The following GPR137B variants were observed in gnomAD, a reference collection of about 807,000 sequenced individuals.
GPR137B encodes the protein G protein-coupled receptor 137B.
A neutral mutation model predicts 42.5 loss-of-function variants in GPR137B; 42 were observed. The observed-to-expected ratio is 0.99, with a 90% confidence interval of 0.77 to 1.28. The LOEUF (loss-of-function observed/expected upper bound fraction) is 1.28, where lower values mean the gene tolerates loss of function less well. Ranked by LOEUF, GPR137B falls within the 50% of genes most tolerant of loss-of-function variation. The probability of loss-of-function intolerance (pLI) is 0.00; values close to 1 mark genes in which losing one functional copy is unlikely to be tolerated. For missense variants in GPR137B, 487 were observed against 493.9 expected (o/e 0.99, Z 0.13); for synonymous variants, 218 against 209.7 (o/e 1.04, Z -0.34).
At chr1:236,181,258 T>G (rs1244084155) in intron 4 of GPR137B, among the ~76,000 whole-genome samples, 1 of 152,178 alleles carries the variant, frequency 6.6e-6, no homozygotes, top group Non-Finnish European at 1.5e-5. Flanking sequence ...GGTAGTGAAA[T>G]GTCATCTGCC....
Position 236,155,540 on chromosome 1 carries a change from C to T in GPR137B, c.414+12504C>T, listed in dbSNP as rs1024886705. 3.3e-5 allele frequency among the ~76,000 whole-genome samples: 5 copies of T among 152,090 alleles called. No individual in the cohort carries two copies. Among genetic ancestry groups the T allele is most frequent in the Admixed American group, 6.5e-5 (1 of 15,274 alleles). Reference sequence around the variant, plus strand: ...AAAGGGTGTGGGTGGGAGGTGTGCTCTCTAGAGTCCCGTCTCCTCGCGGGC... The same window carrying T: ...AAAGGGTGTGGGTGGGAGGTGTGCTTTCTAGAGTCCCGTCTCCTCGCGGGC... On this transcript the variant is annotated intron_variant, in intron 1 of 6. Coordinates refer to ENST00000366592, the MANE Select transcript of GPR137B (RefSeq NM_003272.4). The surrounding 1 kb of genome is among the most constrained non-coding windows in gnomAD (Gnocchi z 4.6).
chr1:236,144,197 T>A (rs1661620003), intron 1 of GPR137B, among the ~76,000 whole-genome samples: 1 of 152,024 alleles, frequency 6.6e-6, no homozygotes, highest in South Asian at 2.1e-4. Flanking sequence ...GGAGGATCGC[T>A]TGTGTCCCTG....
intron 5 of GPR137B, among the ~76,000 whole-genome samples, chr1:236,185,262 A>G (rs1277458183): frequency 6.6e-6 from 1 of 152,240 alleles, no homozygotes; most frequent in Non-Finnish European, 1.5e-5. Context: ...AATACACTGC[A>G]GGTGGGGCAT....
rs948981786 is a variant in GPR137B at position 236,208,716 on chromosome 1, G to A, written c.*558G>A. On this transcript the variant is annotated 3_prime_UTR_variant, in exon 7 of 7. Coordinates refer to ENST00000366592, the MANE Select transcript of GPR137B (RefSeq NM_003272.4). ...ATAATTAAAATGAAATGGTAAAGCA[G>A]CAGACTGTAAGGTCTTTAGAGATTT... The A allele has an allele frequency of 3.0e-6, 3 of 984,734 alleles. No individual in the cohort carries two copies. The African/African-American group carries it at 5.2e-5, about 17-fold the overall frequency. The allele number at this position is 984,734 out of a possible 1,614,324, so 61.0% of individuals were successfully genotyped here.
At chr1:236,196,470 T>G (rs1469683587) in intron 5 of GPR137B, among the ~76,000 whole-genome samples, 6 of 152,190 alleles carry the variant, frequency 3.9e-5, no homozygotes, top group Non-Finnish European at 7.3e-5. Flanking sequence ...AATTTTTGTC[T>G]TAATTTCAAA....
At chr1:236,179,118 G>A (rs929473316) in intron 3 of GPR137B, among the ~76,000 whole-genome samples, 6 of 151,866 alleles carry the variant, frequency 4.0e-5, no homozygotes, top group Non-Finnish European at 7.4e-5. Flanking sequence ...TTTAACAACA[G>A]AACTGTGGTT....
chr1:236,180,830 C>T (rs756774540), intron 4 of GPR137B, among the ~76,000 whole-genome samples: 6 of 152,080 alleles, frequency 3.9e-5, no homozygotes, highest in Non-Finnish European at 8.8e-5. Flanking sequence ...GTTGGCCAGG[C>T]TGGTCTCGAA....
chr1:236,195,811 A>G (rs1266256617), intron 5 of GPR137B, among the ~76,000 whole-genome samples: 1 of 152,172 alleles, frequency 6.6e-6, no homozygotes, highest in African/African-American at 2.4e-5. Flanking sequence ...CAGTGAGGTA[A>G]TATCTCACTG....
At chr1:236,204,916 CTGATAGAAGACTT>C in intron 5 of GPR137B, among the ~76,000 whole-genome samples, 197 bp from the exon 6 acceptor site, 1 of 152,278 alleles carries the variant, frequency 6.6e-6, no homozygotes, top group South Asian at 2.1e-4. Context: ...AAGCAAGACT[CTGATAGAAGACTT>C]TGCCCATACT....
chr1:236,164,772 A>T (rs1662300094), intron 1 of GPR137B, among the ~76,000 whole-genome samples: 1 of 152,214 alleles, frequency 6.6e-6, no homozygotes, highest in Admixed American at 6.5e-5. Context: ...ATATAATTTC[A>T]GTTTCACATG....
At chr1:236,170,973 CAA>C (rs780390422) in intron 2 of GPR137B, among the ~76,000 whole-genome samples, 37 of 82,922 alleles carry the variant, frequency 4.5e-4, no homozygotes, top group Non-Finnish European at 5.3e-4. Flanking sequence ...GACTCTGTCT[CAA>C]AAAAAAAAAA....
At chr1:236,154,298 C>T (rs944636167) in intron 1 of GPR137B, among the ~76,000 whole-genome samples, 2 of 152,176 alleles carry the variant, frequency 1.3e-5, no homozygotes, top group African/African-American at 4.8e-5. Context: ...TCCCACCCTG[C>T]GCCCTGGGGC....
At chr1:236,143,123 G>C in intron 1 of GPR137B, 87 bp downstream of exon 1, 5 of 1,185,142 alleles carry the variant, frequency 4.2e-6, no homozygotes, top group Non-Finnish European at 6.0e-6. Flanking sequence ...GCAGCCGCGG[G>C]GGCGGGTCCG....
At chr1:236,202,909 T>G (rs1226896043) in intron 5 of GPR137B, among the ~76,000 whole-genome samples, 1 of 152,214 alleles carries the variant, frequency 6.6e-6, no homozygotes, top group Non-Finnish European at 1.5e-5. Context: ...AGTGGTCTAG[T>G]TTCATTCTTC....
chr1:236,167,036 A>C (rs906512784), intron 1 of GPR137B, among the ~76,000 whole-genome samples: 32 of 152,264 alleles, frequency 2.1e-4, no homozygotes, highest in African/African-American at 7.2e-4. Flanking sequence ...AAAGGCCCCG[A>C]GGCCGAGGGT....
At chr1:236,202,966 T>TC (rs778664235) in intron 5 of GPR137B, among the ~76,000 whole-genome samples, 2 of 152,212 alleles carry the variant, frequency 1.3e-5, no homozygotes, top group African/African-American at 2.4e-5. Flanking sequence ...TGAAGTCTTT[T>TC]CCCCAGTGTA....
Position 236,142,916 on chromosome 1 carries a change from C to A in GPR137B, c.294C>A (p.Phe98Leu), listed in dbSNP as rs1242014637. Residue 98 changes from phenylalanine (F) to leucine (L), a missense_variant, in exon 1 of 7, where the codon TTC becomes TTA. By Grantham distance (22) the Phe-to-Leu change is conservative (BLOSUM62 0). Transcript: ENST00000366592. ...CCCTGCGGACCGTCCTCTTCTCCTT[C>A]TACTTCAAAGACTTCGTGGCGGCCA... ...WASLRTVLFS[F>L]YFKDFVAANS... The A allele has an allele frequency of 6.2e-7, 1 of 1,614,122 alleles. No homozygotes were observed. The highest frequency in any genetic ancestry group is 8.5e-7 in the Non-Finnish European group (1 of 1,180,028).
At position 236,151,017 on chromosome 1, in the gene GPR137B, G is replaced by A. The variant is rs866998984; in HGVS notation, c.414+7981G>A. ...CCCTCTACAAAATCTCACTGCAAGC[G>A]TCTTAGGGTTTTGCAAACAACAAAG... On this transcript the variant is annotated intron_variant, in intron 1 of 6. Coordinates refer to ENST00000366592, the MANE Select transcript of GPR137B (RefSeq NM_003272.4). Among the ~76,000 whole-genome samples, 8 of 152,338 alleles carry A rather than the reference G, an allele frequency of 5.3e-5. No homozygotes were observed. The Middle Eastern group carries it at 0.01, about 194-fold the overall frequency.
At chr1:236,195,006 G>T (rs1005707711) in intron 5 of GPR137B, among the ~76,000 whole-genome samples, 1 of 152,072 alleles carries the variant, frequency 6.6e-6, no homozygotes, top group Non-Finnish European at 1.5e-5. Context: ...TAATAGGTGT[G>T]TATATTTATG....
Sources: gnomAD v4.1 joint callset for allele counts (sites outside exome capture counted in the v4.1 genomes callset) on GRCh38, gnomAD v4.1.1 for gene constraint, Gnocchi (gnomAD v3.1) non-coding constraint, MANE v1.5 for transcripts, NCBI Gene and HGNC (gene_info 2026-07-23, HGNC 2026-07-21) for gene names.